PLBD2: variants seen among roughly 807,000 people sequenced by gnomAD.
PLBD2 encodes phospholipase B domain containing 2.
A neutral mutation model predicts 68.3 loss-of-function variants in PLBD2; 51 were observed. The ratio of observed to expected loss-of-function variants is 0.75; its 90% CI spans 0.60 to 0.94. PLBD2 has a LOEUF of 0.94. PLBD2 is among the 40% of genes least tolerant of loss of function. The probability of loss-of-function intolerance (pLI) is 0.00; values close to 1 mark genes in which losing one functional copy is unlikely to be tolerated. For missense variants in PLBD2, 729 were observed against 792.2 expected (o/e 0.92, Z 0.96); for synonymous variants, 314 against 339.3 (o/e 0.93, Z 0.82).
At chr12:113,379,289 C>A (rs1364491020) in intron 5 of PLBD2, among the ~76,000 whole-genome samples, 3 of 111,168 alleles carry the variant, frequency 2.7e-5, no homozygotes, top group East Asian at 2.7e-4. Context: ...GCCTGGGCAA[C>A]AGAGCAAGAC....
chr12:113,369,670 C>A (rs183729358), intron 2 of PLBD2, among the ~76,000 whole-genome samples: 7 of 152,046 alleles, frequency 4.6e-5, no homozygotes, highest in Non-Finnish European at 7.4e-5. Flanking sequence ...ACGAAAAAAA[C>A]CAGTCACAAA....
In PLBD2 at chr12:113,386,948, C is replaced by G; in HGVS notation, c.1298C>G (p.Thr433Ser). 2 of 1,613,174 alleles carry G rather than the reference C, an allele frequency of 1.2e-6. No individual in the cohort carries two copies. The highest frequency in any genetic ancestry group is 1.7e-6 in the Non-Finnish European group (2 of 1,179,610). ...CTTGTCCCCGGCAGGTCCTTCGAGA[C>G]TGTGTTCAATGCCAGTGGGCTGCAG... ...WASYNIPSFE[T>S]VFNASGLQAL... The change falls in exon 10 of 12, where the codon ACT becomes AGT. Residue 433 changes from threonine to serine, a missense_variant. Transcript: ENST00000280800.
At chr12:113,378,123 C>T (rs911312616) in intron 5 of PLBD2, among the ~76,000 whole-genome samples, 8 of 152,194 alleles carry the variant, frequency 5.3e-5, no homozygotes, top group African/African-American at 1.9e-4. Flanking sequence ...GAAACCCCAT[C>T]TCTACTAAAA....
rs751843118 is a variant in PLBD2 at position 113,374,459 on chromosome 12, C to T, written c.544-15C>T. On this transcript the variant is annotated splice_polypyrimidine_tract_variant and intron_variant, in intron 3 of 11. Transcript: ENST00000280800. ...AGAGGCCTCACCCTCCCTCTGCCCC[C>T]GCCCCCTCCCCTAGGTGCGGCTGAC... The T allele has an allele frequency of 5.4e-5, 84 of 1,555,864 alleles. No individual in the cohort carries two copies. Among genetic ancestry groups the T allele is most frequent in the Non-Finnish European group, 6.6e-5 (75 of 1,143,662 alleles).
intron 3 of PLBD2, among the ~76,000 whole-genome samples, chr12:113,373,935 A>C (rs1957413561): frequency 7.4e-6 from 1 of 134,536 alleles, no homozygotes; most frequent in Non-Finnish European, 1.6e-5. Flanking sequence ...CCACCCATAC[A>C]TACATACATC....
At chr12:113,385,024 G>C (rs894171834) in intron 8 of PLBD2, 78 bp downstream of exon 8, 2 of 1,435,318 alleles carry the variant, frequency 1.4e-6, no homozygotes, top group East Asian at 4.8e-5. Context: ...CCGTGCTGGC[G>C]CTGTGCAGGA....
At chr12:113,387,587 C>T (rs12812648) in intron 10 of PLBD2, among the ~76,000 whole-genome samples, 157 bp from the exon 11 acceptor site, 4,093 of 152,194 alleles carry the variant, frequency 0.027, 88 homozygotes, top group Middle Eastern at 0.088. Flanking sequence ...GGGGTCCGGG[C>T]CCCAGGCAGA....
Position 113,384,785 on chromosome 12 carries a change from C to A in PLBD2, c.1119-66C>A. The stretch of plus-strand genomic sequence containing the variant: ...TAATTCCTAGCTGAGTGGGACACTG[C>A]AGGGTGGGGAAAGCTGGGGAGGTGG... On this transcript the variant is annotated intron_variant, in intron 7 of 11. Coordinates refer to ENST00000280800, the MANE Select transcript of PLBD2 (RefSeq NM_173542.4). This position sits in a 1 kb window ranked among gnomAD's most constrained non-coding sequence, Gnocchi z 4.2. The A allele has an allele frequency of 2.2e-6, 3 of 1,362,228 alleles. No individual in the cohort carries two copies. Among genetic ancestry groups the A allele is most frequent in the Non-Finnish European group, 2.1e-6 (2 of 959,334 alleles). 84.4% of individuals were successfully genotyped at this position (1,362,228 alleles called of 1,614,324 possible).
chr12:113,369,085 GCTGA>G, intron 1 of PLBD2, 27 bp from the exon 2 acceptor site: 1 of 1,516,410 alleles, frequency 6.6e-7, no homozygotes, highest in Non-Finnish European at 9.0e-7. Flanking sequence ...GGCCTCTGCT[GCTGA>G]CTGAGTGTCC....
At position 113,384,806 on chromosome 12, in the gene PLBD2, G is replaced by A. The variant is rs1367315224; in HGVS notation, c.1119-45G>A. ...ACTGCAGGGTGGGGAAAGCTGGGGAGGTGGCTCCAGGCTCTGTTCAGTCCT... is the reference window on the plus strand; with the variant it reads ...ACTGCAGGGTGGGGAAAGCTGGGGAAGTGGCTCCAGGCTCTGTTCAGTCCT... On this transcript the variant is annotated intron_variant, in intron 7 of 11. Transcript: ENST00000280800. This position sits in a 1 kb window ranked among gnomAD's most constrained non-coding sequence, Gnocchi z 4.2. The A allele has an allele frequency of 6.5e-7, 1 of 1,533,978 alleles. No individual in the cohort carries two copies. The highest frequency in any genetic ancestry group is 9.0e-7 in the Non-Finnish European group (1 of 1,109,536).
At chr12:113,386,877 C>T in intron 9 of PLBD2, 60 bp from the exon 10 acceptor site, 1 of 1,579,936 alleles carries the variant, frequency 6.3e-7, no homozygotes, top group Non-Finnish European at 8.5e-7. Context: ...CCTCCCTGGC[C>T]ACAGCCTTGG....
chr12:113,365,929 TA>T (rs1957338384), intron 1 of PLBD2, among the ~76,000 whole-genome samples: 2 of 152,212 alleles, frequency 1.3e-5, no homozygotes, highest in South Asian at 4.1e-4. Context: ...CTTGACACTT[TA>T]TTCGTTTTTC....
intron 5 of PLBD2, 116 bp from the exon 6 acceptor site, chr12:113,380,629 G>T (rs932257350): frequency 4.0e-6 from 3 of 750,558 alleles, no homozygotes; most frequent in Admixed American, 2.2e-5. Flanking sequence ...AGGACACAGT[G>T]GGGGCTTCCT....
intron 5 of PLBD2, 45 bp from the exon 6 acceptor site, chr12:113,380,700 C>T: frequency 6.7e-7 from 1 of 1,500,156 alleles, no homozygotes; most frequent in Non-Finnish European, 9.0e-7. Flanking sequence ...GGGCCTCCAC[C>T]TGTGCCTGTC....
Position 113,372,108 on chromosome 12 carries a change from G to C in PLBD2, c.385-541G>C, listed in dbSNP as rs1485686046. On this transcript the variant is annotated intron_variant, in intron 2 of 11. Transcript: ENST00000280800. This position sits in a 1 kb window ranked among gnomAD's most constrained non-coding sequence, Gnocchi z 4.2. ...GCAGTCATGAAGCCATCAATCCTGAGGCAGTGAGTGCTGCCACTCACTCAC... is the reference window on the plus strand; with the variant it reads ...GCAGTCATGAAGCCATCAATCCTGACGCAGTGAGTGCTGCCACTCACTCAC... Among the ~76,000 whole-genome samples, 3 of 152,054 alleles carry C rather than the reference G, an allele frequency of 2.0e-5. No homozygotes were observed. The highest frequency in any genetic ancestry group is 4.4e-5 in the Non-Finnish European group (3 of 68,018).
rs1200505585 is a variant in PLBD2 at position 113,385,097 on chromosome 12, A to G, written c.1215-115A>G. 5 of 1,340,796 alleles carry G rather than the reference A, an allele frequency of 3.7e-6. No homozygotes were observed. The African/African-American group carries it at 7.2e-5, about 19-fold the overall frequency. The allele number at this position is 1,340,796 out of a possible 1,614,324, so 83.1% of individuals were successfully genotyped here. On this transcript the variant is annotated intron_variant, in intron 8 of 11. Transcript: ENST00000280800. Reference sequence around the variant, plus strand: ...GTGTCCCTGGTGGGGGCTGAAGTTCAGGACTTAATCCATCCTCCAGGCAAT... The same window carrying G: ...GTGTCCCTGGTGGGGGCTGAAGTTCGGGACTTAATCCATCCTCCAGGCAAT...
In PLBD2 at chr12:113,384,422, A is replaced by G. The variant is rs574278930; in HGVS notation, c.1118+157A>G. Among the ~76,000 whole-genome samples the G allele has an allele frequency of 6.6e-6, 1 of 152,216 alleles. No homozygotes were observed. Among genetic ancestry groups the G allele is most frequent in the East Asian group, 1.9e-4 (1 of 5,174 alleles). ...ATGGGGAGACTGAGGCTAGGGAAGG[A>G]AAGGATTTGCCCCTCCCCTGCAGGC... On this transcript the variant is annotated intron_variant, in intron 7 of 11. Coordinates refer to ENST00000280800, the MANE Select transcript of PLBD2 (RefSeq NM_173542.4). This position sits in a 1 kb window ranked among gnomAD's most constrained non-coding sequence, Gnocchi z 4.2.
At chr12:113,361,452 A>T (rs568582977) in intron 1 of PLBD2, among the ~76,000 whole-genome samples, 1 of 146,300 alleles carries the variant, frequency 6.8e-6, no homozygotes, top group Non-Finnish European at 1.5e-5. Flanking sequence ...AAATCCTCCG[A>T]CCTCGGCCTC....
In PLBD2 at chr12:113,385,303, G is replaced by C. The variant is rs199561012; in HGVS notation, c.1286+20G>C. 3.4e-5 allele frequency: 55 copies of C among 1,610,320 alleles called. No individual in the cohort carries two copies. The highest frequency in any genetic ancestry group is 4.7e-5 in the Non-Finnish European group (55 of 1,176,912). On this transcript the variant is annotated intron_variant, in intron 9 of 11. Coordinates refer to ENST00000280800, the MANE Select transcript of PLBD2 (RefSeq NM_173542.4). ...CATACCGTGCGTGCCTTCTCACTCC[G>C]CTCCCCGTCACCCTCCAGGGCATCC...
Sources: gnomAD v4.1 joint callset for allele counts (sites outside exome capture counted in the v4.1 genomes callset) on GRCh38, gnomAD v4.1.1 for gene constraint, Gnocchi (gnomAD v3.1) non-coding constraint, MANE v1.5 for transcripts, NCBI Gene and HGNC (gene_info 2026-07-23, HGNC 2026-07-21) for gene names.